The following SLC4A10 variants were observed in gnomAD, a reference collection of about 807,000 sequenced individuals.
SLC4A10 encodes sodium-driven chloride bicarbonate exchanger.
In SLC4A10, 42 loss-of-function variants were observed where a neutral mutation model predicts 137.7. The observed-to-expected ratio is 0.30, with a 90% CI of 0.24 to 0.39. The LOEUF is 0.39. Among genes scored for constraint, SLC4A10 ranks in the 10% least tolerant of loss-of-function variants. SLC4A10 has a pLI of 1.00. For missense variants in SLC4A10, 925 were observed against 1,355.0 expected, an observed-to-expected ratio of 0.68 and a Z score of 4.98; for synonymous variants, 474 against 464.1, an observed-to-expected ratio of 1.02 and a Z score of -0.27.
intron 1 of SLC4A10, among the ~76,000 whole-genome samples, chr2:161,759,768 T>A (rs2050047093): frequency 6.6e-6 from 1 of 152,056 alleles, no homozygotes; most frequent in African/African-American, 2.4e-5. Flanking sequence ...CCTTACTCCT[T>A]ACCAGATACA....
intron 10 of SLC4A10, among the ~76,000 whole-genome samples, chr2:161,884,696 A>ACTCAAC (rs1399878196): frequency 1.3e-5 from 2 of 152,314 alleles, no homozygotes; most frequent in African/African-American, 4.8e-5. Flanking sequence ...AGAAGCAGAA[A>ACTCAAC]CTCAACCAGA....
At chr2:161,791,265 A>G (rs1158350153) in intron 2 of SLC4A10, among the ~76,000 whole-genome samples, 1 of 152,204 alleles carries the variant, frequency 6.6e-6, no homozygotes, top group African/African-American at 2.4e-5. Context: ...GCACATGTAT[A>G]CCCTGAAATG....
intron 1 of SLC4A10, among the ~76,000 whole-genome samples, chr2:161,722,555 C>T (rs932366013): frequency 2.0e-5 from 3 of 152,194 alleles, no homozygotes; most frequent in Non-Finnish European, 2.9e-5. Flanking sequence ...AAGATGGGAG[C>T]TCTGTCCCAG....
chr2:161,957,882 G>C (rs1371179775), intron 20 of SLC4A10, among the ~76,000 whole-genome samples: 1 of 151,892 alleles, frequency 6.6e-6, no homozygotes. Context: ...CCTATAATTT[G>C]ACATTTTAAT....
chr2:161,779,762 C>T (rs1377446549), intron 2 of SLC4A10, among the ~76,000 whole-genome samples: 1 of 152,016 alleles, frequency 6.6e-6, no homozygotes, highest in African/African-American at 2.4e-5. Context: ...TTCCTGCCAC[C>T]TTTATTTGCA....
chr2:161,968,257 A>G (rs1431368225), intron 23 of SLC4A10, among the ~76,000 whole-genome samples: 5 of 152,174 alleles, frequency 3.3e-5, no homozygotes, highest in Non-Finnish European at 7.4e-5. Context: ...TCACATAGCT[A>G]TGCATGTATG....
intron 1 of SLC4A10, among the ~76,000 whole-genome samples, chr2:161,658,646 T>A (rs556925874): frequency 2.1e-4 from 30 of 141,166 alleles, no homozygotes; most frequent in Non-Finnish European, 3.6e-4. Flanking sequence ...CAGGCTGGAG[T>A]GCAGTGGTAC....
At chr2:161,978,391 A>AAAAG (rs1406426603) in intron 26 of SLC4A10, among the ~76,000 whole-genome samples, 3 of 150,714 alleles carry the variant, frequency 2.0e-5, no homozygotes, top group Admixed American at 1.3e-4. Context: ...TGTCAAAAAA[A>AAAAG]AAAAAAAAAA....
At chr2:161,720,647 T>C (rs564358325) in intron 1 of SLC4A10, among the ~76,000 whole-genome samples, 3 of 152,232 alleles carry the variant, frequency 2.0e-5, no homozygotes, top group South Asian at 2.1e-4. Context: ...CTTCTTTGTC[T>C]TTTTCGATCT....
intron 3 of SLC4A10, among the ~76,000 whole-genome samples, chr2:161,821,177 T>C (rs2057587453): frequency 6.6e-6 from 1 of 152,226 alleles, no homozygotes; most frequent in South Asian, 2.1e-4. Context: ...TTTGTTAGTT[T>C]TATGTGTTTT....
At chr2:161,692,832 G>A (rs188794182) in intron 1 of SLC4A10, among the ~76,000 whole-genome samples, 32 of 152,066 alleles carry the variant, frequency 2.1e-4, no homozygotes, top group Non-Finnish European at 4.0e-4. Context: ...ATTTGCTAAA[G>A]CAATTTTCAT....
At chr2:161,899,450 C>A (rs2063869664) in intron 11 of SLC4A10, among the ~76,000 whole-genome samples, 1 of 152,062 alleles carries the variant, frequency 6.6e-6, no homozygotes, top group African/African-American at 2.4e-5. Context: ...CACTAAAATA[C>A]ATACGAGAAC....
At chr2:161,673,196 G>A (rs2039922648) in intron 1 of SLC4A10, among the ~76,000 whole-genome samples, 1 of 152,156 alleles carries the variant, frequency 6.6e-6, no homozygotes, top group Admixed American at 6.5e-5. Flanking sequence ...AGAGTCTGAG[G>A]TTGTATCTGG....
At chr2:161,665,989 T>A (rs1030451555) in intron 1 of SLC4A10, among the ~76,000 whole-genome samples, 5 of 149,522 alleles carry the variant, frequency 3.3e-5, no homozygotes, top group Admixed American at 6.7e-5. Context: ...TTGAAAAGCT[T>A]TCATTTAATA....
At chr2:161,781,138 C>T (rs976678882) in intron 2 of SLC4A10, among the ~76,000 whole-genome samples, 2 of 152,026 alleles carry the variant, frequency 1.3e-5, no homozygotes, top group Non-Finnish European at 2.9e-5. Context: ...TTCAGAACCA[C>T]AAATTTTCAA....
intron 5 of SLC4A10, among the ~76,000 whole-genome samples, chr2:161,859,300 T>TCTTTTCTTTTC (rs199954968): frequency 7.5e-6 from 1 of 133,346 alleles, no homozygotes. Flanking sequence ...TCTTTTCTTT[T>TCTTTTCTTTTC]TTTTTTTTTT....
chr2:161,768,544 T>A (rs2051178195), intron 1 of SLC4A10, among the ~76,000 whole-genome samples: 1 of 151,960 alleles, frequency 6.6e-6, no homozygotes, highest in Non-Finnish European at 1.5e-5. Flanking sequence ...GTAAATTGGC[T>A]CAAGTACGGA....
rs564859185 is a variant in SLC4A10, at chr2:161,818,068, G to T, written c.277+13473G>T. ...GGTATTGAATCTATAAATTACCTTG[G>T]GCAATATGGCCATTTTCATGATATT... On this transcript the variant is annotated intron_variant, in intron 3 of 26. Transcript: ENST00000446997. 2.0e-5 allele frequency among the ~76,000 whole-genome samples: 3 copies of T among 152,118 alleles called. No individual in the cohort carries two copies. The South Asian group carries it at 6.2e-4, about 32-fold the overall frequency.
chr2:161,682,469 T>C (rs893549296), intron 1 of SLC4A10, among the ~76,000 whole-genome samples: 1 of 152,166 alleles, frequency 6.6e-6, no homozygotes, highest in African/African-American at 2.4e-5. Flanking sequence ...ATGAATTCAA[T>C]TTTTAGGTGT....
Sources: gnomAD v4.1 joint callset for allele counts (sites outside exome capture counted in the v4.1 genomes callset) on GRCh38, gnomAD v4.1.1 for gene constraint, MANE v1.5 for transcripts, NCBI Gene and HGNC (gene_info 2026-07-23, HGNC 2026-07-21) for gene names.